DCC: variants seen among roughly 807,000 people sequenced by gnomAD.
The protein encoded by DCC is netrin receptor DCC.
DCC carries 58 observed loss-of-function variants against 172.5 expected under a neutral mutation model. The ratio of observed to expected loss-of-function variants is 0.34; its 90% CI spans 0.27 to 0.42. DCC has a LOEUF of 0.42. Ranked by LOEUF, DCC falls within the 10% of genes least tolerant of loss-of-function variation. DCC has a pLI of 1.00. For missense variants in DCC, 1,740 were observed against 1,791.0 expected (o/e 0.97, Z 0.51); for synonymous variants, 709 against 644.5 (o/e 1.10, Z -1.52).
At chr18:53,339,002 G>A (rs186367739) in intron 14 of DCC, among the ~76,000 whole-genome samples, 2 of 152,270 alleles carry the variant, frequency 1.3e-5, no homozygotes, top group Admixed American at 1.3e-4. Context: ...CAAGCTTTGA[G>A]TCAATCAATA....
chr18:53,468,621 G>A (rs898815001), intron 25 of DCC, among the ~76,000 whole-genome samples: 5 of 152,138 alleles, frequency 3.3e-5, no homozygotes, highest in South Asian at 2.1e-4. Flanking sequence ...GACCTCATGT[G>A]ATCCGTCTTC....
chr18:52,870,469 G>C (rs541686890), intron 2 of DCC, among the ~76,000 whole-genome samples: 2 of 152,166 alleles, frequency 1.3e-5, no homozygotes, highest in Non-Finnish European at 2.9e-5. Flanking sequence ...GCTGTGAAAC[G>C]AATGAAAGGC....
intron 1 of DCC, among the ~76,000 whole-genome samples, chr18:52,493,951 C>T (rs534075591): frequency 6.6e-6 from 1 of 152,098 alleles, no homozygotes; most frequent in Non-Finnish European, 1.5e-5. Context: ...TCTCATCATT[C>T]CATCTGGCAT....
At chr18:53,185,386 A>C (rs182138906) in intron 9 of DCC, among the ~76,000 whole-genome samples, 1,589 of 152,238 alleles carry the variant, frequency 0.01, 13 homozygotes, top group Non-Finnish European at 0.017. Flanking sequence ...AAAAATATTT[A>C]TTTTGTGCTA....
At chr18:53,119,726 C>A (rs569784756) in intron 7 of DCC, among the ~76,000 whole-genome samples, 1 of 151,882 alleles carries the variant, frequency 6.6e-6, no homozygotes, top group South Asian at 2.1e-4. Flanking sequence ...TCATGATTAT[C>A]ACATTGTTGT....
At chr18:53,168,596 G>A (rs867024647) in intron 8 of DCC, among the ~76,000 whole-genome samples, 13 of 151,744 alleles carry the variant, frequency 8.6e-5, no homozygotes, top group African/African-American at 2.7e-4. Flanking sequence ...GGGAGGGATA[G>A]TATTAGGAGA....
intron 1 of DCC, among the ~76,000 whole-genome samples, chr18:52,369,530 C>T (rs1218363712): frequency 6.6e-6 from 1 of 151,956 alleles, no homozygotes; most frequent in Admixed American, 6.6e-5. Flanking sequence ...GGATCATGCT[C>T]ATGATGTTAC....
intron 2 of DCC, among the ~76,000 whole-genome samples, chr18:52,859,176 T>C (rs73456885): frequency 0.053 from 8,074 of 151,704 alleles, 283 homozygotes; most frequent in South Asian, 0.14. Context: ...TGGCCCATAG[T>C]GGTAATGTGG....
chr18:52,523,456 A>G (rs2031884594), intron 1 of DCC, among the ~76,000 whole-genome samples: 1 of 152,226 alleles, frequency 6.6e-6, no homozygotes, highest in Admixed American at 6.5e-5. Context: ...TTGTTTATGT[A>G]GAAGTGTGTT....
intron 12 of DCC, among the ~76,000 whole-genome samples, chr18:53,265,443 C>A (rs1271678880): frequency 1.3e-5 from 2 of 152,172 alleles, no homozygotes; most frequent in South Asian, 2.1e-4. Flanking sequence ...GTGGACTGAT[C>A]ATTATCAAGC....
chr18:53,490,173 A>G (rs535722472), intron 26 of DCC, among the ~76,000 whole-genome samples: 2 of 152,308 alleles, frequency 1.3e-5, no homozygotes, highest in South Asian at 4.1e-4. Context: ...CTTGACCTAG[A>G]TAAAATGAGG....
At position 52,380,541 on chromosome 18, in the gene DCC, A is replaced by G. The variant is rs1326804824; in HGVS notation, c.91+39663A>G. On this transcript the variant is annotated intron_variant, in intron 1 of 28. Transcript: ENST00000442544. ...TCCATTCCCCACTTTCGAAACATCAATGGTCATTTCAGATGGGCACTTTGA... is the reference window on the plus strand; with the variant it reads ...TCCATTCCCCACTTTCGAAACATCAGTGGTCATTTCAGATGGGCACTTTGA... Among the ~76,000 whole-genome samples the G allele has an allele frequency of 2.6e-5, 4 of 152,008 alleles. 1 individual carries two copies. The highest frequency in any genetic ancestry group is 6.6e-5 in the Admixed American group (1 of 15,250).
chr18:52,985,493 A>G (rs1459166072), intron 5 of DCC, among the ~76,000 whole-genome samples: 2 of 152,064 alleles, frequency 1.3e-5, no homozygotes. Flanking sequence ...GGAAGCTTTT[A>G]CGATATTCTA....
chr18:53,004,348 C>T (rs991437439), intron 5 of DCC, among the ~76,000 whole-genome samples: 1 of 152,162 alleles, frequency 6.6e-6, no homozygotes, highest in East Asian at 1.9e-4. Context: ...GCATGTTAAT[C>T]TTTAATAAAT....
intron 21 of DCC, among the ~76,000 whole-genome samples, chr18:53,418,085 A>G (rs1910424936): frequency 6.6e-6 from 1 of 152,128 alleles, no homozygotes; most frequent in African/African-American, 2.4e-5. Flanking sequence ...TTCATCTAAT[A>G]TTACTCAGAA....
chr18:53,072,802 G>T (rs1162778826), intron 7 of DCC, among the ~76,000 whole-genome samples: 1 of 152,146 alleles, frequency 6.6e-6, no homozygotes, highest in East Asian at 1.9e-4. Context: ...TTGGCTGTGT[G>T]GTGGAGTAGA....
At chr18:52,954,745 A>G (rs1448875423) in intron 5 of DCC, among the ~76,000 whole-genome samples, 1 of 152,186 alleles carries the variant, frequency 6.6e-6, no homozygotes, top group Non-Finnish European at 1.5e-5. Context: ...GAGCAAATGG[A>G]GTTGATTCGT....
intron 1 of DCC, among the ~76,000 whole-genome samples, chr18:52,491,707 G>A (rs1568195369): frequency 6.6e-6 from 1 of 151,974 alleles, no homozygotes; most frequent in South Asian, 2.1e-4. Flanking sequence ...ACAATTGATT[G>A]GACTTAGCTG....
intron 1 of DCC, among the ~76,000 whole-genome samples, chr18:52,342,811 T>C (rs1431903967): frequency 6.6e-6 from 1 of 152,174 alleles, no homozygotes; most frequent in African/African-American, 2.4e-5. Flanking sequence ...TGGCATAGGG[T>C]GGGGGTAGAT....
Sources: gnomAD v4.1 joint callset for allele counts (sites outside exome capture counted in the v4.1 genomes callset) on GRCh38, gnomAD v4.1.1 for gene constraint, MANE v1.5 for transcripts, NCBI Gene and HGNC (gene_info 2026-07-23, HGNC 2026-07-21) for gene names.